Variants in PDE1C observed in about 807,000 individuals in gnomAD.
PDE1C encodes phosphodiesterase 1C.
A neutral mutation model predicts 93.1 loss-of-function variants in PDE1C; 62 were observed. The ratio of observed to expected loss-of-function variants is 0.67; its 90% confidence interval spans 0.54 to 0.82. PDE1C has a LOEUF of 0.82. Ranked by LOEUF, PDE1C falls within the 40% of genes least tolerant of loss-of-function variation. PDE1C has a pLI of 0.00. For synonymous variants in PDE1C, 325 were observed against 310.1 expected, an observed-to-expected ratio of 1.05 and a Z score of -0.50; for missense variants, 742 against 884.6, an observed-to-expected ratio of 0.84 and a Z score of 2.04.
At chr7:31,782,988 C>G (rs1783546696) in intron 16 of PDE1C, among the ~76,000 whole-genome samples, 2 of 152,182 alleles carry the variant, frequency 1.3e-5, no homozygotes, top group South Asian at 4.1e-4. Flanking sequence ...GCATTTTCGA[C>G]TTACAGTTTT....
chr7:32,269,656 T>G (rs1347877176), intron 1 of PDE1C, among the ~76,000 whole-genome samples: 2 of 152,184 alleles, frequency 1.3e-5, no homozygotes. Context: ...ATTTTTGTAT[T>G]TTTAGTAGAG....
At chr7:32,367,080 C>A (rs1057040358) in intron 1 of PDE1C, among the ~76,000 whole-genome samples, 3 of 151,892 alleles carry the variant, frequency 2.0e-5, no homozygotes, top group African/African-American at 7.3e-5. Flanking sequence ...TCATGCCCAG[C>A]AAAGCTATCC....
At chr7:31,769,900 G>A (rs997504009) in intron 17 of PDE1C, among the ~76,000 whole-genome samples, 4 of 152,086 alleles carry the variant, frequency 2.6e-5, no homozygotes, top group South Asian at 2.1e-4. Flanking sequence ...TTAGCAAAAC[G>A]TTCTCTAGGT....
chr7:31,912,046 A>G (rs964971319), intron 2 of PDE1C, among the ~76,000 whole-genome samples: 2 of 152,148 alleles, frequency 1.3e-5, no homozygotes, highest in African/African-American at 4.8e-5. Context: ...TTTTTAAATC[A>G]TAAGTTAAAT....
At chr7:31,673,136 A>T in the PDE1C span, among the ~76,000 whole-genome samples, 1 of 152,184 alleles carries the variant, frequency 6.6e-6, no homozygotes, top group Non-Finnish European at 1.5e-5. Flanking sequence ...GCAGTGTGAA[A>T]ATGGACTAAT....
chr7:32,040,412 T>A (rs184665388), intron 2 of PDE1C, among the ~76,000 whole-genome samples: 15 of 152,282 alleles, frequency 9.9e-5, no homozygotes, highest in African/African-American at 3.6e-4. Flanking sequence ...ATGGTCTCTA[T>A]TCACTTGATA....
intron 3 of PDE1C, among the ~76,000 whole-genome samples, chr7:32,104,224 C>A (rs73100645): frequency 0.32 from 48,992 of 151,972 alleles, 8,655 homozygotes; most frequent in Non-Finnish European, 0.4. Context: ...CATCAAGGTA[C>A]AACATCATGA....
chr7:31,837,930 T>C lies in PDE1C; in HGVS notation c.1022A>G (p.Asp341Gly), dbSNP rs1361279163. 6.2e-7 allele frequency: 1 copy of C among 1,613,680 alleles called. No homozygotes were observed. The highest frequency in any genetic ancestry group is 1.7e-5 in the Admixed American group (1 of 60,024). The change falls in exon 10 of 18, where the codon GAT becomes GGT. Residue 341 changes from aspartate (D) to glycine (G), a missense_variant. Coordinates refer to ENST00000396191, the MANE Select transcript of PDE1C (RefSeq NM_001191057.4). ...GATTTGTTGGAAGTGACAAGACATATCTGTGGCCATCACCATTTCAATTAC... is the reference window on the plus strand; with the variant it reads ...GATTTGTTGGAAGTGACAAGACATACCTGTGGCCATCACCATTTCAATTAC... Reference protein sequence around the residue: ...TLVIEMVMATDMSCHFQQIKA... With the variant: ...TLVIEMVMATGMSCHFQQIKA...
chr7:32,422,819 T>C (rs1237505686), intron 1 of PDE1C, among the ~76,000 whole-genome samples: 1 of 152,170 alleles, frequency 6.6e-6, no homozygotes, highest in Non-Finnish European at 1.5e-5. Flanking sequence ...ATAAGTATCC[T>C]GATGTTTTAG....
chr7:32,212,977 G>A (rs1030997549), intron 1 of PDE1C, among the ~76,000 whole-genome samples: 1 of 152,144 alleles, frequency 6.6e-6, no homozygotes, highest in African/African-American at 2.4e-5. Flanking sequence ...CTGGTCTGGG[G>A]ATCATAAAAG....
At chr7:31,982,913 T>C (rs1208108698) in intron 2 of PDE1C, among the ~76,000 whole-genome samples, 7 of 152,208 alleles carry the variant, frequency 4.6e-5, no homozygotes, top group Non-Finnish European at 8.8e-5. Context: ...CCTCTCTCCA[T>C]ATACAGCTCC....
chr7:31,630,945 G>C, the PDE1C span, among the ~76,000 whole-genome samples: 3 of 152,092 alleles, frequency 2.0e-5, no homozygotes, highest in Non-Finnish European at 4.4e-5. Context: ...ATGAGAGGTA[G>C]AAACAGTCTT....
At chr7:31,882,977 C>T (rs1188520803) in intron 2 of PDE1C, among the ~76,000 whole-genome samples, 3 of 152,098 alleles carry the variant, frequency 2.0e-5, no homozygotes, top group Non-Finnish European at 4.4e-5. Context: ...CAAATGTATG[C>T]TACTGTAATT....
In PDE1C at chr7:32,424,292, C is replaced by A. The variant is rs12666290; in HGVS notation, c.310+3530G>T. On this transcript the variant is annotated intron_variant, in intron 1 of 1. Coordinates refer to the PDE1C transcript ENST00000672256. ...CATAGGCTCAAAGCAGTTAAATTTCCATGAGAGACAGCTGACTTAATACCC... is the reference window on the plus strand; with the variant it reads ...CATAGGCTCAAAGCAGTTAAATTTCAATGAGAGACAGCTGACTTAATACCC... 1.2e-4 allele frequency among the ~76,000 whole-genome samples: 19 copies of A among 152,290 alleles called. No homozygotes were observed. The East Asian group carries it at 3.5e-3, about 28-fold the overall frequency.
the PDE1C span, among the ~76,000 whole-genome samples, chr7:31,680,145 T>C: frequency 6.6e-6 from 1 of 152,222 alleles, no homozygotes; most frequent in Non-Finnish European, 1.5e-5. Context: ...AAATTAATAT[T>C]CAAGCAAAGC....
intron 3 of PDE1C, among the ~76,000 whole-genome samples, chr7:32,162,089 C>T (rs1562536184): frequency 6.6e-6 from 1 of 152,116 alleles, no homozygotes; most frequent in Admixed American, 6.5e-5. Context: ...CTTTCTTGGA[C>T]AATGAAAACA....
At chr7:32,039,405 T>C (rs1350538349) in intron 2 of PDE1C, among the ~76,000 whole-genome samples, 2 of 152,238 alleles carry the variant, frequency 1.3e-5, no homozygotes, top group Non-Finnish European at 1.5e-5. Flanking sequence ...CATGCTTTAA[T>C]TGCAGTGCTA....
intron 2 of PDE1C, among the ~76,000 whole-genome samples, chr7:31,934,454 G>A (rs1410561605): frequency 6.6e-6 from 1 of 151,572 alleles, no homozygotes; most frequent in Non-Finnish European, 1.5e-5. Context: ...CTTTCTCTGT[G>A]TAACATGCTT....
chr7:32,342,130 T>G (rs766081274), intron 1 of PDE1C, among the ~76,000 whole-genome samples: 1 of 152,202 alleles, frequency 6.6e-6, no homozygotes, highest in Non-Finnish European at 1.5e-5. Flanking sequence ...CACTAATTAC[T>G]TTGAAGAAAG....
Sources: gnomAD v4.1 joint callset for allele counts (sites outside exome capture counted in the v4.1 genomes callset) on GRCh38, gnomAD v4.1.1 for gene constraint, MANE v1.5 for transcripts, NCBI Gene and HGNC (gene_info 2026-07-23, HGNC 2026-07-21) for gene names.